RIT2: variants seen among roughly 807,000 people sequenced by gnomAD.
RIT2 encodes GTP-binding protein Rit2.
RIT2 carries 24 observed loss-of-function variants against 23.7 expected under a neutral mutation model. That is an observed-to-expected ratio of 1.01 (90% CI 0.73 to 1.43). RIT2 has a LOEUF of 1.43. Ranked by LOEUF, RIT2 falls within the 40% of genes most tolerant of loss-of-function variation. The probability of loss-of-function intolerance (pLI) is 0.00; values close to 1 mark genes in which losing one functional copy is unlikely to be tolerated. For synonymous variants in RIT2, 107 were observed against 91.1 expected (o/e 1.17, Z -0.99); for missense variants, 236 against 266.9 (o/e 0.88, Z 0.81).
chr18:42,984,922 A>G (rs1479366166), intron 2 of RIT2, among the ~76,000 whole-genome samples: 3 of 145,608 alleles, frequency 2.1e-5, no homozygotes, highest in African/African-American at 7.7e-5. Context: ...CTTGTGATTC[A>G]TACATGCTTA....
chr18:42,790,767 C>A (rs866153997), intron 4 of RIT2, among the ~76,000 whole-genome samples: 4 of 152,118 alleles, frequency 2.6e-5, no homozygotes, highest in Non-Finnish European at 5.9e-5. Flanking sequence ...TTTTTAAATT[C>A]TTTTTATTTT....
chr18:42,889,353 T>G (rs1291652563), intron 4 of RIT2, among the ~76,000 whole-genome samples: 6 of 152,032 alleles, frequency 3.9e-5, no homozygotes, highest in African/African-American at 4.8e-5. Flanking sequence ...TTCCTTAACT[T>G]TACCACATGC....
intron 2 of RIT2, among the ~76,000 whole-genome samples, chr18:43,015,587 T>C (rs1434665121): frequency 1.3e-5 from 2 of 151,870 alleles, no homozygotes; most frequent in Non-Finnish European, 3.0e-5. Flanking sequence ...TTTTTGAGAT[T>C]GTCTGGAGAA....
chr18:43,097,253 G>A (rs922148162), intron 1 of RIT2, among the ~76,000 whole-genome samples: 1 of 151,842 alleles, frequency 6.6e-6, no homozygotes, highest in African/African-American at 2.4e-5. Context: ...TAGCTGCTGA[G>A]GACCAGGGAG....
At chr18:42,837,710 C>T (rs932166978) in intron 4 of RIT2, among the ~76,000 whole-genome samples, 1 of 152,082 alleles carries the variant, frequency 6.6e-6, no homozygotes, top group African/African-American at 2.4e-5. Context: ...GGGGTAAAAC[C>T]TGGTCTTTCT....
At chr18:42,844,281 T>G (rs1393737878) in intron 4 of RIT2, among the ~76,000 whole-genome samples, 1 of 152,216 alleles carries the variant, frequency 6.6e-6, no homozygotes, top group Non-Finnish European at 1.5e-5. Context: ...CCACTTGCCT[T>G]GTCACATGGG....
intron 1 of RIT2, among the ~76,000 whole-genome samples, chr18:43,097,167 C>G (rs1015876500): frequency 6.6e-6 from 1 of 151,922 alleles, no homozygotes; most frequent in East Asian, 1.9e-4. Context: ...TTTGAAAACA[C>G]CCCTTAGAGT....
At chr18:43,024,707 A>AAACAAC (rs141467663) in intron 2 of RIT2, among the ~76,000 whole-genome samples, 553 of 150,326 alleles carry the variant, frequency 3.7e-3, no homozygotes, top group South Asian at 8.2e-3. Context: ...GAACTCAAAC[A>AAACAAC]AACAACAACA....
rs530505543 is a variant in RIT2, at chr18:42,894,057, G to A, written c.426+29515C>T. Among the ~76,000 whole-genome samples, 5 of 152,314 alleles carry A rather than the reference G, an allele frequency of 3.3e-5. No individual in the cohort carries two copies. The East Asian group carries it at 9.6e-4, about 29-fold the overall frequency. ...AAGCATGATAGAGCTCTTTGTCTAT[G>A]TCAGAACGCTGATGGCGCTCAGCAG... is the stretch of plus-strand genomic sequence containing the variant. On this transcript the variant is annotated intron_variant, in intron 4 of 4. Coordinates refer to ENST00000326695, the MANE Select transcript of RIT2 (RefSeq NM_002930.4).
chr18:42,818,858 T>TA (rs1862816541), intron 4 of RIT2, among the ~76,000 whole-genome samples: 1 of 151,936 alleles, frequency 6.6e-6, no homozygotes, highest in South Asian at 2.1e-4. Flanking sequence ...TTGATCTAGG[T>TA]AGAAAGAATT....
chr18:42,910,085 A>G (rs1379262904), intron 4 of RIT2, among the ~76,000 whole-genome samples: 3 of 152,178 alleles, frequency 2.0e-5, no homozygotes, highest in African/African-American at 7.2e-5. Context: ...AAAATTATAT[A>G]AACAGCTATA....
At position 43,042,212 on chromosome 18, in the gene RIT2, C is replaced by A. The variant is rs1264258002; in HGVS notation, c.104-8345G>T. ...GGACCATGAAAAAATTACTCAAACT[C>A]TCTGACTTAATTTTCTCGTCTGAAA... On this transcript the variant is annotated intron_variant, in intron 1 of 4. Transcript: ENST00000326695. 4.6e-5 allele frequency among the ~76,000 whole-genome samples: 7 copies of A among 152,164 alleles called. No homozygotes were observed. The East Asian group carries it at 1.2e-3, about 25-fold the overall frequency.
chr18:42,850,683 T>C (rs943301946), intron 4 of RIT2, among the ~76,000 whole-genome samples: 9 of 152,208 alleles, frequency 5.9e-5, no homozygotes, highest in East Asian at 1.9e-4. Context: ...ATGTAGAAGA[T>C]ACAATATCTA....
At chr18:43,050,522 G>A (rs867485807) in intron 1 of RIT2, among the ~76,000 whole-genome samples, 22 of 152,132 alleles carry the variant, frequency 1.4e-4, no homozygotes, top group Middle Eastern at 6.8e-3. Flanking sequence ...ATTGGTTTGC[G>A]TCCAGGGTTC....
chr18:43,043,027 A>G (rs1235612619), intron 1 of RIT2, among the ~76,000 whole-genome samples: 1 of 152,174 alleles, frequency 6.6e-6, no homozygotes, highest in Non-Finnish European at 1.5e-5. Context: ...GTATTAAATT[A>G]TTATGTCTTT....
intron 2 of RIT2, among the ~76,000 whole-genome samples, chr18:43,004,431 C>T (rs760028347): frequency 8.8e-4 from 133 of 151,798 alleles, no homozygotes; most frequent in Non-Finnish European, 1.2e-3. Flanking sequence ...TTCTATTTAT[C>T]TCAAGGGGTG....
intron 1 of RIT2, among the ~76,000 whole-genome samples, chr18:43,041,865 C>T (rs575321724): frequency 6.6e-6 from 1 of 151,826 alleles, no homozygotes; most frequent in East Asian, 1.9e-4. Flanking sequence ...TGGTATTTGG[C>T]CAGAGGCAGA....
At chr18:42,806,640 G>A (rs771516910) in intron 4 of RIT2, among the ~76,000 whole-genome samples, 12 of 152,068 alleles carry the variant, frequency 7.9e-5, no homozygotes, top group African/African-American at 1.7e-4. Flanking sequence ...GTAAATGTCC[G>A]CACAGTGAAA....
chr18:42,932,355 C>A (rs1909347916), intron 3 of RIT2, among the ~76,000 whole-genome samples: 2 of 152,176 alleles, frequency 1.3e-5, no homozygotes, highest in African/African-American at 4.8e-5. Context: ...ATTTCACTAT[C>A]TGATTACTCT....
Sources: gnomAD v4.1 joint callset for allele counts (sites outside exome capture counted in the v4.1 genomes callset) on GRCh38, gnomAD v4.1.1 for gene constraint, MANE v1.5 for transcripts, NCBI Gene and HGNC (gene_info 2026-07-23, HGNC 2026-07-21) for gene names.